MTMR11: variants seen among roughly 807,000 people sequenced by gnomAD.
MTMR11 encodes the protein myotubularin-related protein 11.
Under a neutral mutation model 100.0 loss-of-function variants are expected in MTMR11, and 89 were observed. That is an observed-to-expected ratio of 0.89 (90% confidence interval 0.75 to 1.06). The LOEUF is 1.06. MTMR11 is among the 50% of genes least tolerant of loss of function. The probability of loss-of-function intolerance (pLI) is 0.00; values close to 1 mark genes in which losing one functional copy is unlikely to be tolerated. For missense variants in MTMR11, 809 were observed against 873.7 expected, an observed-to-expected ratio of 0.93 and a Z score of 0.93; for synonymous variants, 336 against 326.3, an observed-to-expected ratio of 1.03 and a Z score of -0.32.
At chr1:149,931,751 C>G (rs986161528) in intron 12 of MTMR11, among the ~76,000 whole-genome samples, 193 bp downstream of exon 12, 4 of 152,122 alleles carry the variant, frequency 2.6e-5, no homozygotes, top group Admixed American at 6.5e-5. Context: ...GGGCTAAGAC[C>G]ATCCTAGTGT....
rs1456846670 is a variant in MTMR11 at position 149,936,725 on chromosome 1, G to A, written c.-78C>T. The stretch of plus-strand genomic sequence containing the variant: ...TGCTCACCCACCTCGGGGAGAGGCT[G>A]AGTCTTGTTGAGAAGAGGGGTGTTA... On this transcript the variant is annotated 5_prime_UTR_variant, in exon 1 of 17. Coordinates refer to ENST00000439741, the MANE Select transcript of MTMR11 (RefSeq NM_001145862.2). The A allele has an allele frequency of 1.0e-6, 1 of 953,090 alleles. No homozygotes were observed. Among genetic ancestry groups the A allele is most frequent in the Non-Finnish European group, 1.7e-6 (1 of 605,064 alleles). 59.0% of individuals were successfully genotyped at this position (953,090 alleles called of 1,614,324 possible).
chr1:149,935,589 T>G lies in MTMR11; in HGVS notation c.259A>C (p.Asn87His). 1 of 1,613,884 alleles carries G rather than the reference T, an allele frequency of 6.2e-7. No individual in the cohort carries two copies. Among genetic ancestry groups the G allele is most frequent in the South Asian group, 1.1e-5 (1 of 91,072 alleles). ...VTFQPCGWQWNQDTPLNSEYD... is the reference protein window; with the variant it reads ...VTFQPCGWQWHQDTPLNSEYD... The stretch of plus-strand genomic sequence containing the variant: ...TGTGGCCCCAACCATCTCACCTGAT[T>G]CCACTGCCATCCACAGGGCTGGAAG... Residue 87 changes from asparagine (N) to histidine (H), a missense_variant, in exon 3 of 17, where the codon AAT becomes CAT. Physicochemically the swap from Asn to His is moderately conservative, Grantham distance 68 (BLOSUM62 1). Coordinates refer to ENST00000439741, the MANE Select transcript of MTMR11 (RefSeq NM_001145862.2).
At position 149,929,901 on chromosome 1, in the gene MTMR11, G is replaced by C. The variant is rs1553767079; in HGVS notation, c.1663C>G (p.Pro555Ala). 4 of 1,608,788 alleles carry C rather than the reference G, an allele frequency of 2.5e-6. No individual in the cohort carries two copies. The highest frequency in any genetic ancestry group is 1.7e-5 in the Admixed American group (1 of 59,192). The change falls in exon 16 of 17, where the codon CCT (proline) becomes GCT (alanine). Residue 555 changes from proline (P) to alanine (A), a missense_variant. Transcript: ENST00000439741. ...AGCCACACAGAACTGGGGGGTCCAG[G>C]AACCATGAAGCTTGGCTAAAAGGAA... ...LPRPQPSFMV[P>A]GPPSSVWLFS...
rs1005376519 is a variant in MTMR11 at position 149,928,703 on chromosome 1, A to G, written c.*426T>C. On this transcript the variant is annotated 3_prime_UTR_variant, in exon 17 of 17. Coordinates refer to ENST00000439741, the MANE Select transcript of MTMR11 (RefSeq NM_001145862.2). ...CCCCTTAAATAGAAATTCCACTACAAAAATACAGAGGAGATAGGGTGTTTC... is the reference window on the plus strand; with the variant it reads ...CCCCTTAAATAGAAATTCCACTACAGAAATACAGAGGAGATAGGGTGTTTC... 1.5e-6 allele frequency: 1 copy of G among 658,882 alleles called. No homozygotes were observed. Among genetic ancestry groups the G allele is most frequent in the East Asian group, 2.7e-5 (1 of 36,914 alleles). 40.8% of individuals were successfully genotyped at this position (658,882 alleles called of 1,614,324 possible). A position where few individuals can be genotyped will look rare whatever the true frequency, so the allele number is the denominator to read the frequency against.
In MTMR11 at chr1:149,932,339, G is replaced by C. The variant is rs1553767867; in HGVS notation, c.986-9C>G. On this transcript the variant is annotated splice_polypyrimidine_tract_variant and intron_variant, in intron 10 of 16. Transcript: ENST00000439741. ...CTCAGCTACAGATGAATCTGATAGA[G>C]GGTAGAAAGATCAGAAGGGCAAGAG... 6 of 1,609,850 alleles carry C rather than the reference G, an allele frequency of 3.7e-6. No individual in the cohort carries two copies. The highest frequency in any genetic ancestry group is 3.3e-4 in the Middle Eastern group (2 of 6,056).
At chr1:149,935,854 T>C (rs973965693) in intron 2 of MTMR11, 149 bp from the exon 3 acceptor site, 3 of 1,110,126 alleles carry the variant, frequency 2.7e-6, no homozygotes, top group Non-Finnish European at 3.8e-6. Context: ...TGAGGAAAGA[T>C]AAATGTTTTT....
rs1367874689 is a variant in MTMR11 at position 149,929,103 on chromosome 1, A to G, written c.*26T>C. The G allele has an allele frequency of 1.3e-6, 2 of 1,568,302 alleles. No individual in the cohort carries two copies. The highest frequency in any genetic ancestry group is 4.1e-5 in the Admixed American group (2 of 49,164). Reference sequence around the variant, plus strand: ...CTGCAAGTGCAGATACAAAAAAAAAAAAAAAAGATTAGACAGAACCCTCCT... The same window carrying G: ...CTGCAAGTGCAGATACAAAAAAAAAGAAAAAAGATTAGACAGAACCCTCCT... On this transcript the variant is annotated 3_prime_UTR_variant, in exon 17 of 17. Transcript: ENST00000439741.
chr1:149,931,147 T>C (rs2092655305), intron 13 of MTMR11, 113 bp downstream of exon 13: 1 of 1,473,436 alleles, frequency 6.8e-7, no homozygotes, highest in African/African-American at 1.4e-5. Context: ...CGTCCCAGCC[T>C]AACCTCGGGG....
chr1:149,932,627 T>C (rs1265580635), intron 10 of MTMR11, among the ~76,000 whole-genome samples: 2 of 151,296 alleles, frequency 1.3e-5, no homozygotes, highest in Non-Finnish European at 3.0e-5. Flanking sequence ...GTGGGAGAGG[T>C]GGGAGAGGTG....
At chr1:149,930,310 A>T (rs1371416512) in intron 15 of MTMR11, 55 bp downstream of exon 15, 1 of 1,518,468 alleles carries the variant, frequency 6.6e-7, no homozygotes, top group Non-Finnish European at 9.0e-7. Context: ...CTCACTGTCT[A>T]GTAGCATGAG....
intron 14 of MTMR11, 41 bp from the exon 15 acceptor site, chr1:149,930,588 C>A: frequency 6.5e-7 from 1 of 1,533,546 alleles, no homozygotes; most frequent in Non-Finnish European, 8.9e-7. Context: ...TACACACAAT[C>A]CTCCCACATC....
chr1:149,935,505 A>C, intron 3 of MTMR11, 79 bp downstream of exon 3: 2 of 1,589,180 alleles, frequency 1.3e-6, no homozygotes, highest in Non-Finnish European at 1.7e-6. Flanking sequence ...CCCTTAACCC[A>C]TAATGTTTGT....
chr1:149,931,524 C>T, intron 12 of MTMR11, 98 bp from the exon 13 acceptor site: 1 of 1,173,738 alleles, frequency 8.5e-7, no homozygotes. Flanking sequence ...AAGTGAGAGG[C>T]ACAGAGGGGA....
chr1:149,936,015 G>A (rs2101678396), intron 2 of MTMR11, 139 bp downstream of exon 2: 1 of 965,686 alleles, frequency 1.0e-6, no homozygotes, highest in East Asian at 2.4e-5. Context: ...TCTAGAGGCT[G>A]TCAGGGAGGA....
intron 15 of MTMR11, 82 bp downstream of exon 15, chr1:149,930,283 C>G: frequency 7.2e-7 from 1 of 1,390,698 alleles, no homozygotes; most frequent in Non-Finnish European, 9.9e-7. Context: ...GAACTCAAGA[C>G]ATTTTGTCTT....
intron 16 of MTMR11, 25 bp from the exon 17 acceptor site, chr1:149,929,342 G>C (rs955362738): frequency 8.8e-6 from 14 of 1,590,188 alleles, no homozygotes; most frequent in Middle Eastern, 1.7e-4. Context: ...AAGAGGAACA[G>C]AGAAGAATAC....
In MTMR11 at chr1:149,929,725, C is replaced by T. The variant is rs1356927260; in HGVS notation, c.1839G>A (p.Trp613Ter). ...GCCCTGGAGGTAAAGGGCAAGCTCC[C>T]CAATGTGAGGGGAGACCCCATTCCT... ...ADQEWGLPSH[W>*]GACPLPPGLL... Residue 613 changes from tryptophan to a stop codon, truncating the protein, a stop_gained, in exon 16 of 17, where the codon TGG (tryptophan) becomes TGA (stop). Transcript: ENST00000439741. LOFTEE classifies it high-confidence loss of function. The T allele has an allele frequency of 6.2e-7, 1 of 1,614,054 alleles. No homozygotes were observed. The highest frequency in any genetic ancestry group is 1.7e-5 in the Admixed American group (1 of 60,004).
intron 3 of MTMR11, 78 bp from the exon 4 acceptor site, chr1:149,935,437 G>A: frequency 6.3e-7 from 1 of 1,589,944 alleles, no homozygotes; most frequent in Middle Eastern, 1.7e-4. Context: ...CCCCTTCTAG[G>A]GGGCAACAAC....
chr1:149,930,922 A>G lies in MTMR11; in HGVS notation c.1334T>C (p.Leu445Pro). The G allele has an allele frequency of 1.2e-6, 2 of 1,612,632 alleles. No homozygotes were observed. Among genetic ancestry groups the G allele is most frequent in the Non-Finnish European group, 1.7e-6 (2 of 1,179,534 alleles). The part of the protein sequence containing the change: ...LLFLDCVWQL[L>P]QQFPADFEFS... ...TTCAAAATCAGCTGGAAACTGCTGG[A>G]GGAGCTGCCAGACACAATCAAGGAA... The change falls in exon 14 of 17, where the codon CTC (leucine) becomes CCC (proline). Residue 445 changes from leucine to proline, a missense_variant. Coordinates refer to ENST00000439741, the MANE Select transcript of MTMR11 (RefSeq NM_001145862.2).
Sources: allele counts gnomAD v4.1 joint callset (sites outside exome capture counted in the v4.1 genomes callset), GRCh38; gene constraint gnomAD v4.1.1; transcripts MANE v1.5; gene names NCBI Gene and HGNC (gene_info 2026-07-23, HGNC 2026-07-21).